FAM91A1: variants seen among roughly 807,000 people sequenced by gnomAD.
The protein encoded by FAM91A1 is family with sequence similarity 91 member A1.
Under a neutral mutation model 113.5 loss-of-function variants are expected in FAM91A1, and 41 were observed. That is an observed-to-expected ratio of 0.36 (90% CI 0.28 to 0.47). The LOEUF (loss-of-function observed/expected upper bound fraction) is 0.47, where lower values mean the gene tolerates loss of function less well. Among genes scored for constraint, FAM91A1 ranks in the 20% least tolerant of loss-of-function variants. FAM91A1 has a pLI of 1.00. For synonymous variants in FAM91A1, 307 were observed against 347.9 expected (o/e 0.88, Z 1.31); for missense variants, 696 against 1,001.2 (o/e 0.70, Z 4.11).
intron 12 of FAM91A1, 109 bp downstream of exon 12, chr8:123,786,719 G>T: frequency 1.2e-6 from 1 of 850,928 alleles, no homozygotes; most frequent in Non-Finnish European, 1.9e-6. Context: ...TATTCAATAC[G>T]CAGTCTTTGA....
intron 20 of FAM91A1, among the ~76,000 whole-genome samples, chr8:123,806,450 T>C (rs995548777): frequency 6.6e-6 from 1 of 152,188 alleles, no homozygotes; most frequent in African/African-American, 2.4e-5. Flanking sequence ...TTTGGGACTT[T>C]TGGGTGCTCT....
chr8:123,768,674 C>T lies in FAM91A1; in HGVS notation c.-29C>T. 1 of 1,554,822 alleles carries T rather than the reference C, an allele frequency of 6.4e-7. No homozygotes were observed. Reference sequence around the variant, plus strand: ...GGCGTAGTGTGGGTCGCGGTGGCGGCCCCGGCCGCCGGCCCTGGCCGCGGC... The same window carrying T: ...GGCGTAGTGTGGGTCGCGGTGGCGGTCCCGGCCGCCGGCCCTGGCCGCGGC... On this transcript the variant is annotated 5_prime_UTR_variant, in exon 1 of 24. Transcript: ENST00000334705.
rs1460592423 is a variant in FAM91A1, at chr8:123,773,929, TAAC to T, written c.73-149_73-147del. 7.1e-5 allele frequency: 42 copies of T among 593,456 alleles called. No homozygotes were observed. In the South Asian group the frequency reaches 9.1e-4, roughly 13 times the overall value. The allele number at this position is 593,456 out of a possible 1,614,324, so 36.8% of individuals were successfully genotyped here. On this transcript the variant is annotated intron_variant, in intron 1 of 23. Coordinates refer to ENST00000334705, the MANE Select transcript of FAM91A1 (RefSeq NM_144963.4). ...TACTGTAGCAGGAAAGTTAGTATAA[TAAC>T]ATTTAAGAAAATATTTTTTATTTAA... is the stretch of plus-strand genomic sequence containing the variant.
intron 18 of FAM91A1, among the ~76,000 whole-genome samples, chr8:123,804,612 C>A (rs1174517325): frequency 6.7e-6 from 1 of 148,824 alleles, no homozygotes; most frequent in African/African-American, 2.5e-5. Context: ...TTCATCTGTT[C>A]ATTTCTCCTA....
chr8:123,799,998 A>C, intron 18 of FAM91A1, 113 bp downstream of exon 18: 1 of 903,566 alleles, frequency 1.1e-6, no homozygotes, highest in Non-Finnish European at 1.6e-6. Context: ...ATGAAGTTGA[A>C]ATGTAAAAAA....
At chr8:123,797,642 A>G (rs563460678) in intron 15 of FAM91A1, among the ~76,000 whole-genome samples, 1 of 152,356 alleles carries the variant, frequency 6.6e-6, no homozygotes, top group African/African-American at 2.4e-5. Flanking sequence ...TAAAATATGT[A>G]TTAACTGTTC....
At chr8:123,797,807 T>C (rs550896291) in intron 15 of FAM91A1, among the ~76,000 whole-genome samples, 40 of 152,276 alleles carry the variant, frequency 2.6e-4, no homozygotes, top group African/African-American at 9.4e-4. Context: ...GTAGAGTGGC[T>C]CTGGATGGAG....
intron 22 of FAM91A1, among the ~76,000 whole-genome samples, chr8:123,809,271 G>A (rs746087982): frequency 6.6e-6 from 1 of 152,192 alleles, no homozygotes; most frequent in East Asian, 1.9e-4. Flanking sequence ...TAGGTGAGGT[G>A]AGGGTGTGGT....
rs1815886251 is a variant in FAM91A1, at chr8:123,809,084, T to C, written c.2261+68T>C. 5 of 1,575,006 alleles carry C rather than the reference T, an allele frequency of 3.2e-6. No homozygotes were observed. The African/African-American group carries it at 6.8e-5, about 21-fold the overall frequency. ...AAGCTGTCAGCAAATAGTTACCATA[T>C]CTTACTTTTATTCCACACATGAGCA... On this transcript the variant is annotated intron_variant, in intron 22 of 23. Coordinates refer to ENST00000334705, the MANE Select transcript of FAM91A1 (RefSeq NM_144963.4).
At chr8:123,807,048 T>TA (rs1815829737) in intron 20 of FAM91A1, among the ~76,000 whole-genome samples, 1 of 152,162 alleles carries the variant, frequency 6.6e-6, no homozygotes, top group African/African-American at 2.4e-5. Flanking sequence ...GATCTTTCAT[T>TA]ATCTCCCATT....
chr8:123,811,621 G>GT (rs923560587), intron 23 of FAM91A1, among the ~76,000 whole-genome samples: 3 of 152,138 alleles, frequency 2.0e-5, no homozygotes, highest in Non-Finnish European at 4.4e-5. Context: ...TGATTCTTAT[G>GT]TTTTTTGATT....
intron 15 of FAM91A1, among the ~76,000 whole-genome samples, chr8:123,795,037 T>A (rs1301031063): frequency 1.3e-5 from 2 of 152,204 alleles, no homozygotes. Context: ...GGTGCAGGAT[T>A]ACTATAAGAA....
Position 123,785,748 on chromosome 8 carries a change from T to C in FAM91A1, c.962+7T>C. 1.3e-6 allele frequency: 2 copies of C among 1,534,816 alleles called. No homozygotes were observed. The highest frequency in any genetic ancestry group is 1.8e-6 in the Non-Finnish European group (2 of 1,133,756). On this transcript the variant is annotated splice_region_variant and intron_variant, in intron 11 of 23. Transcript: ENST00000334705. ...CATCCGTAAACAGATTAAAGTAACT[T>C]AAATTTATTCAGTATGAGCTATTAG...
intron 22 of FAM91A1, among the ~76,000 whole-genome samples, chr8:123,809,498 C>T (rs1364577109): frequency 2.6e-5 from 4 of 152,140 alleles, no homozygotes; most frequent in Non-Finnish European, 4.4e-5. Context: ...TTAAAGATGA[C>T]ATGTAGGTTT....
At chr8:123,781,094 A>T (rs1215430257) in intron 8 of FAM91A1, among the ~76,000 whole-genome samples, 1 of 152,144 alleles carries the variant, frequency 6.6e-6, no homozygotes, top group Non-Finnish European at 1.5e-5. Flanking sequence ...CCACTACAAT[A>T]CTGATATGTT....
chr8:123,771,958 G>A (rs547514838), intron 1 of FAM91A1, among the ~76,000 whole-genome samples: 5 of 152,076 alleles, frequency 3.3e-5, no homozygotes, highest in Admixed American at 6.6e-5. Context: ...GAGTTGACTC[G>A]GGGTAAAATT....
intron 16 of FAM91A1, 79 bp downstream of exon 16, chr8:123,798,317 C>A: frequency 6.9e-7 from 1 of 1,459,214 alleles, no homozygotes; most frequent in Non-Finnish European, 9.2e-7. Context: ...CTGCAGATAC[C>A]AACTATTAAA....
rs770922745 is a variant in FAM91A1 at position 123,806,162 on chromosome 8, T to C, written c.1965T>C (p.Tyr655=). 8.7e-6 allele frequency: 14 copies of C among 1,613,642 alleles called. No homozygotes were observed. Among genetic ancestry groups the C allele is most frequent in the African/African-American group, 1.3e-5 (1 of 75,034 alleles). Residue 655 remains tyrosine, a synonymous_variant, in exon 20 of 24, where the codon TAT becomes TAC. Transcript: ENST00000334705. ...NRVDLQHLCG[Y]VTMLNASSQL... is the part of the protein sequence containing the mutation. ...TGGACTTACAGCATCTCTGTGGATA[T>C]GTCACCATGTTGAATGCTTCCAGCC...
Position 123,785,136 on chromosome 8 carries a change from C to G in FAM91A1, c.849+17C>G, listed in dbSNP as rs1251930301. 2 of 1,577,330 alleles carry G rather than the reference C, an allele frequency of 1.3e-6. No homozygotes were observed. The highest frequency in any genetic ancestry group is 4.5e-5 in the East Asian group (2 of 44,102). ...CTGGTTAAGGTATGTTATTTTTATA[C>G]TCATTTACTGGTGATGTGATAACTG... On this transcript the variant is annotated intron_variant, in intron 10 of 23. Transcript: ENST00000334705.
Sources: gnomAD v4.1 joint callset for allele counts (sites outside exome capture counted in the v4.1 genomes callset) on GRCh38, gnomAD v4.1.1 for gene constraint, MANE v1.5 for transcripts, NCBI Gene and HGNC (gene_info 2026-07-23, HGNC 2026-07-21) for gene names.